Variants in DNAH11 observed in about 807,000 individuals in gnomAD.
The protein encoded by DNAH11 is axonemal beta dynein heavy chain 11.
In DNAH11, 442 loss-of-function variants were observed where a neutral mutation model predicts 526.0. That is an observed-to-expected ratio of 0.84 (90% CI 0.78 to 0.91). The LOEUF is 0.91. Among genes scored for constraint, DNAH11 ranks in the 40% least tolerant of loss-of-function variants. The pLI is 0.00. For synonymous variants in DNAH11, 2,461 were observed against 1,935.9 expected (o/e 1.27, Z -7.12); for missense variants, 6,989 against 5,448.7 (o/e 1.28, Z -8.90).
chr7:21,561,492 T>G (rs955536817), intron 5 of DNAH11: 1 of 214,868 alleles, frequency 4.7e-6, no homozygotes, highest in South Asian at 1.0e-4. Flanking sequence ...AATCAACAGA[T>G]TGGGCTATGG....
chr7:21,591,526 A>G lies in DNAH11; in HGVS notation c.2616A>G (p.Lys872=). ...TLEDKGDLFT[K]KYKLIQGDGC... ...AGGACAAGGGTGATTTGTTTACAAA[A>G]AAATACAAGTTAATCCAAGGAGATG... The change falls in exon 14 of 82, where the codon AAA becomes AAG. Residue 872 remains lysine (K), a synonymous_variant. Transcript: ENST00000409508. 1 of 1,597,984 alleles carries G rather than the reference A, an allele frequency of 6.3e-7. No homozygotes were observed.
At chr7:21,603,458 T>C (rs1785168997) in intron 18 of DNAH11, among the ~76,000 whole-genome samples, 1 of 152,228 alleles carries the variant, frequency 6.6e-6, no homozygotes, top group South Asian at 2.1e-4. Context: ...AGTTCTATAT[T>C]TAACTTTTTG....
chr7:21,619,661 T>C (rs1030130988), intron 24 of DNAH11, among the ~76,000 whole-genome samples: 8 of 152,200 alleles, frequency 5.3e-5, no homozygotes, highest in African/African-American at 1.9e-4. Context: ...AATTTGTAAA[T>C]AGTATCTACC....
intron 39 of DNAH11, among the ~76,000 whole-genome samples, chr7:21,706,931 C>T (rs1784286935): frequency 6.6e-6 from 1 of 152,188 alleles, no homozygotes; most frequent in Admixed American, 6.5e-5. Flanking sequence ...CACTGAGCAC[C>T]TGTTCTGTGA....
intron 62 of DNAH11, among the ~76,000 whole-genome samples, chr7:21,801,940 A>G (rs577402377): frequency 6.6e-6 from 1 of 152,312 alleles, no homozygotes; most frequent in African/African-American, 2.4e-5. Flanking sequence ...TGGTAGAGGA[A>G]CATACGTTCT....
At chr7:21,550,951 T>A (rs1238975425) in intron 2 of DNAH11, among the ~76,000 whole-genome samples, 1 of 152,200 alleles carries the variant, frequency 6.6e-6, no homozygotes. Context: ...TGGCCTGTTT[T>A]ATAATCACCT....
chr7:21,548,220 A>G (rs1467638358), intron 2 of DNAH11, among the ~76,000 whole-genome samples: 1 of 152,022 alleles, frequency 6.6e-6, no homozygotes, highest in African/African-American at 2.4e-5. Context: ...CCCACCCAGC[A>G]TAACACATAC....
rs377680746 is a variant in DNAH11, at chr7:21,900,155, T to A, written c.13303+35T>A. The A allele has an allele frequency of 4.2e-5, 67 of 1,582,056 alleles. No individual in the cohort carries two copies. In the Middle Eastern group the frequency reaches 1.5e-3, roughly 36 times the overall value. ...CCCAAGGGGTAAGTGGGGAACCTTT[T>A]CTTACTCAGGTTCAGATCAGTGTTT... On this transcript the variant is annotated intron_variant, in intron 81 of 81. Coordinates refer to ENST00000409508, the MANE Select transcript of DNAH11 (RefSeq NM_001277115.2).
intron 63 of DNAH11, among the ~76,000 whole-genome samples, chr7:21,816,019 G>T (rs549528494): frequency 6.6e-6 from 1 of 152,074 alleles, no homozygotes; most frequent in Non-Finnish European, 1.5e-5. Context: ...ATCCCAGAGA[G>T]ATAGGTCATC....
chr7:21,655,124 G>T (rs549778325), intron 28 of DNAH11, among the ~76,000 whole-genome samples: 2 of 150,818 alleles, frequency 1.3e-5, no homozygotes, highest in African/African-American at 4.9e-5. Flanking sequence ...GCTATTTACT[G>T]GTTTTGTATT....
At chr7:21,877,820 A>G (rs1237934764) in intron 74 of DNAH11, among the ~76,000 whole-genome samples, 2 of 139,514 alleles carry the variant, frequency 1.4e-5, no homozygotes, top group Admixed American at 8.0e-5. Context: ...GGTTGCAATG[A>G]GCAGAGATCG....
intron 28 of DNAH11, among the ~76,000 whole-genome samples, chr7:21,653,481 C>G (rs556556569): frequency 1.8e-4 from 28 of 152,294 alleles, no homozygotes; most frequent in African/African-American, 5.8e-4. Flanking sequence ...ATTATTTTCT[C>G]ACCCAAGCCG....
At chr7:21,794,825 G>C (rs950149559) in intron 61 of DNAH11, among the ~76,000 whole-genome samples, 1 of 152,198 alleles carries the variant, frequency 6.6e-6, no homozygotes, top group Non-Finnish European at 1.5e-5. Flanking sequence ...GGGAATGTAA[G>C]ATGGCTGAGT....
At chr7:21,782,919 A>AG (rs928354788) in intron 57 of DNAH11, among the ~76,000 whole-genome samples, 24 of 74,372 alleles carry the variant, frequency 3.2e-4, no homozygotes, top group East Asian at 1.5e-3. Context: ...AAAAAAAAAA[A>AG]AAAGAAAGAA....
intron 21 of DNAH11, among the ~76,000 whole-genome samples, chr7:21,615,656 C>A (rs1196336124): frequency 6.6e-6 from 1 of 151,846 alleles, no homozygotes; most frequent in African/African-American, 2.4e-5. Context: ...ACAAACAGAC[C>A]CTTCCTAAAA....
rs368833367 is a variant in DNAH11, at chr7:21,842,537, C to T, written c.10692-7C>T. On this transcript the variant is annotated splice_polypyrimidine_tract_variant and splice_region_variant and intron_variant, in intron 65 of 81. Coordinates refer to ENST00000409508, the MANE Select transcript of DNAH11 (RefSeq NM_001277115.2). ...TCTCCTGAAAGTCTGTGTTTTGCTC[C>T]GTTTAGGTATATCAGGATTGGAGAT... 3.0e-4 allele frequency: 476 copies of T among 1,611,764 alleles called. No homozygotes were observed. Among genetic ancestry groups the T allele is most frequent in the Non-Finnish European group, 3.7e-4 (436 of 1,178,616 alleles).
At chr7:21,796,647 G>T (rs1453472527) in intron 61 of DNAH11, among the ~76,000 whole-genome samples, 1 of 152,104 alleles carries the variant, frequency 6.6e-6, no homozygotes, top group African/African-American at 2.4e-5. Context: ...TAGTAAAGAG[G>T]CCAGATACCA....
At chr7:21,877,558 C>T (rs963776552) in intron 74 of DNAH11, among the ~76,000 whole-genome samples, 5 of 152,046 alleles carry the variant, frequency 3.3e-5, no homozygotes, top group Admixed American at 6.6e-5. Flanking sequence ...TGTAGGATAC[C>T]ATCTACCTAC....
chr7:21,617,953 T>A (rs531344236), intron 23 of DNAH11, among the ~76,000 whole-genome samples, 176 bp downstream of exon 23: 1 of 152,216 alleles, frequency 6.6e-6, no homozygotes, highest in African/African-American at 2.4e-5. Context: ...GACCAACAAT[T>A]TAGAAAAAGG....
Sources: allele counts gnomAD v4.1 joint callset (sites outside exome capture counted in the v4.1 genomes callset), GRCh38; gene constraint gnomAD v4.1.1; transcripts MANE v1.5; gene names NCBI Gene and HGNC (gene_info 2026-07-23, HGNC 2026-07-21).